GNAO1: variants seen among roughly 807,000 people sequenced by gnomAD.
GNAO1 encodes the protein guanine nucleotide-binding protein G(o) subunit alpha.
For synonymous variants in GNAO1, 164 were observed against 180.7 expected (o/e 0.91, Z 0.74); for missense variants, 166 against 478.7 (o/e 0.35, Z 6.10).
At chr16:56,340,525 C>A in intron 6 of GNAO1, 1 of 365,940 alleles carries the variant, frequency 2.7e-6, no homozygotes, top group Non-Finnish European at 5.1e-6. Flanking sequence ...ATGTCCTCTC[C>A]GTGAGCTGGA....
Position 56,328,618 on chromosome 16 carries a change from C to A in GNAO1, c.304-13C>A. ...CCAAAGCGTCAAAGCCCACCATCCA[C>A]CTCTCCTCACAGGCTGACGCCAAGA... On this transcript the variant is annotated splice_polypyrimidine_tract_variant and intron_variant, in intron 3 of 8. Coordinates refer to ENST00000262493, the MANE Select transcript of GNAO1 (RefSeq NM_020988.3). 6.2e-7 allele frequency: 1 copy of A among 1,612,026 alleles called. No individual in the cohort carries two copies. The highest frequency in any genetic ancestry group is 8.5e-7 in the Non-Finnish European group (1 of 1,178,228).
chr16:56,269,770 C>G (rs569168092), intron 2 of GNAO1, among the ~76,000 whole-genome samples: 3 of 152,282 alleles, frequency 2.0e-5, no homozygotes, highest in African/African-American at 4.8e-5. Flanking sequence ...CAGCCTAGGG[C>G]CTCTGAGTTT....
At chr16:56,283,812 A>AGCCCT (rs2037137602) in intron 3 of GNAO1, among the ~76,000 whole-genome samples, 1 of 152,192 alleles carries the variant, frequency 6.6e-6, no homozygotes, top group Non-Finnish European at 1.5e-5. Context: ...CACCTACAAC[A>AGCCCT]GCCCCAGAGC....
intron 2 of GNAO1, chr16:56,235,044 CA>C: frequency 9.6e-6 from 3 of 313,178 alleles, no homozygotes; most frequent in Non-Finnish European, 1.9e-5. Context: ...GGTGCTGCGG[CA>C]CTTGAGTTCT....
At chr16:56,254,761 A>G (rs1200433558) in intron 2 of GNAO1, among the ~76,000 whole-genome samples, 1 of 152,012 alleles carries the variant, frequency 6.6e-6, no homozygotes, top group South Asian at 2.1e-4. Context: ...TGCTGGTTTA[A>G]TGTAGTTGCT....
In GNAO1 at chr16:56,328,621, C is replaced by A. The variant is rs754891603; in HGVS notation, c.304-10C>A. On this transcript the variant is annotated splice_polypyrimidine_tract_variant and intron_variant, in intron 3 of 8. Transcript: ENST00000262493. Reference sequence around the variant, plus strand: ...AAGCGTCAAAGCCCACCATCCACCTCTCCTCACAGGCTGACGCCAAGATGG... The same window carrying A: ...AAGCGTCAAAGCCCACCATCCACCTATCCTCACAGGCTGACGCCAAGATGG... 5.6e-5 allele frequency: 90 copies of A among 1,612,266 alleles called. 2 individuals carry two copies. The South Asian group carries it at 9.7e-4, about 17-fold the overall frequency.
intron 5 of GNAO1, 105 bp downstream of exon 5, chr16:56,334,962 G>A: frequency 8.1e-7 from 1 of 1,242,218 alleles, no homozygotes; most frequent in Non-Finnish European, 1.1e-6. Flanking sequence ...CCTGCCCCAG[G>A]GAACCTGCGG....
intron 6 of GNAO1, chr16:56,343,926 C>G: frequency 2.5e-6 from 4 of 1,614,058 alleles, no homozygotes; most frequent in Non-Finnish European, 3.4e-6. Flanking sequence ...TCGCCAAAAA[C>G]CTGCGGGGCT....
intron 6 of GNAO1, among the ~76,000 whole-genome samples, chr16:56,338,825 G>C (rs1401218707): frequency 6.6e-6 from 1 of 151,628 alleles, no homozygotes; most frequent in Non-Finnish European, 1.5e-5. Flanking sequence ...TGCTGGGCCT[G>C]GCACTGGGTG....
chr16:56,353,807 G>C (rs1240276983), intron 7 of GNAO1, among the ~76,000 whole-genome samples: 1 of 152,192 alleles, frequency 6.6e-6, no homozygotes, highest in African/African-American at 2.4e-5. Context: ...TTGCACTGTG[G>C]GTCCAGGCAC....
At chr16:56,253,124 C>T (rs1023565982) in intron 2 of GNAO1, among the ~76,000 whole-genome samples, 6 of 152,206 alleles carry the variant, frequency 3.9e-5, no homozygotes, top group Non-Finnish European at 8.8e-5. Context: ...AGAACAGCTG[C>T]TCCTGGTCCT....
At chr16:56,321,672 C>G (rs1287836366) in intron 3 of GNAO1, among the ~76,000 whole-genome samples, 1 of 152,010 alleles carries the variant, frequency 6.6e-6, no homozygotes, top group Non-Finnish European at 1.5e-5. Flanking sequence ...GCTCTGCTGC[C>G]GTAAAACAAG....
At position 56,311,615 on chromosome 16, in the gene GNAO1, G is replaced by A. The variant is rs572605874; in HGVS notation, c.304-17016G>A. The stretch of plus-strand genomic sequence containing the variant: ...GCTGAACTGAGAACCCGAGGAGCGC[G>A]TCCCCTCCCTCCTCCCTCCCTGCTG... On this transcript the variant is annotated intron_variant, in intron 3 of 8. Transcript: ENST00000262493. This position sits in a 1 kb window ranked among gnomAD's most constrained non-coding sequence, Gnocchi z 5.2. Among the ~76,000 whole-genome samples the A allele has an allele frequency of 1.4e-4, 22 of 152,194 alleles. No individual in the cohort carries two copies. The highest frequency in any genetic ancestry group is 5.1e-4 in the African/African-American group (21 of 41,506).
intron 5 of GNAO1, 99 bp downstream of exon 5, chr16:56,334,956 C>A: frequency 1.5e-6 from 2 of 1,305,688 alleles, no homozygotes; most frequent in East Asian, 2.4e-5. Context: ...CATCATCCTG[C>A]CCCAGGGAAC....
intron 2 of GNAO1, among the ~76,000 whole-genome samples, chr16:56,225,072 A>G (rs553029004): frequency 6.6e-6 from 1 of 152,218 alleles, no homozygotes; most frequent in African/African-American, 2.4e-5. Context: ...AAGGTAGGAC[A>G]GGGTGCTAAC....
chr16:56,210,643 G>T (rs2036377470), intron 2 of GNAO1, among the ~76,000 whole-genome samples: 1 of 152,192 alleles, frequency 6.6e-6, no homozygotes, highest in Non-Finnish European at 1.5e-5. Flanking sequence ...CGTTGTTAGA[G>T]AAATTTGGAT....
intron 3 of GNAO1, among the ~76,000 whole-genome samples, chr16:56,285,521 A>G (rs1271076701): frequency 6.6e-6 from 1 of 152,166 alleles, no homozygotes; most frequent in Non-Finnish European, 1.5e-5. Context: ...GTGGCAAACC[A>G]GCTGCCAAGC....
At chr16:56,281,539 G>C (rs1454284386) in intron 3 of GNAO1, among the ~76,000 whole-genome samples, 2 of 147,350 alleles carry the variant, frequency 1.4e-5, no homozygotes, top group Non-Finnish European at 3.0e-5. Context: ...TCCCTTTCCC[G>C]CCTTCCCTTT....
At chr16:56,240,209 G>A (rs1448892415) in intron 2 of GNAO1, among the ~76,000 whole-genome samples, 1 of 152,184 alleles carries the variant, frequency 6.6e-6, no homozygotes, top group Non-Finnish European at 1.5e-5. Flanking sequence ...CCTCTCATTG[G>A]TCTCAGCTCA....
Sources: gnomAD v4.1 joint callset for allele counts (sites outside exome capture counted in the v4.1 genomes callset) on GRCh38, gnomAD v4.1.1 for gene constraint, Gnocchi (gnomAD v3.1) non-coding constraint, MANE v1.5 for transcripts, NCBI Gene and HGNC (gene_info 2026-07-23, HGNC 2026-07-21) for gene names.